Variants in ANKFN1 observed in about 807,000 individuals in gnomAD.
The protein encoded by ANKFN1 is ankyrin repeat and fibronectin type III domain containing 1, also known as ankyrin repeat and fibronectin type-III domain-containing protein 1.
Under a neutral mutation model 108.7 loss-of-function variants are expected in ANKFN1, and 74 were observed. The observed-to-expected ratio is 0.68, with a 90% CI of 0.56 to 0.83. ANKFN1 has a LOEUF of 0.83. Among genes scored for constraint, ANKFN1 ranks in the 40% least tolerant of loss-of-function variants. The probability of loss-of-function intolerance (pLI) is 0.00; values close to 1 mark genes in which losing one functional copy is unlikely to be tolerated. For missense variants in ANKFN1, 1,505 were observed against 1,382.3 expected (o/e 1.09, Z -1.41); for synonymous variants, 547 against 516.2 (o/e 1.06, Z -0.81).
intron 4 of ANKFN1, among the ~76,000 whole-genome samples, chr17:56,147,121 A>G (rs1180498483): frequency 6.6e-6 from 1 of 152,098 alleles, no homozygotes; most frequent in African/African-American, 2.4e-5. Flanking sequence ...CCTCATCTCC[A>G]TCTGAGACCA....
intron 10 of ANKFN1, among the ~76,000 whole-genome samples, chr17:56,445,850 G>A (rs981322306): frequency 1.2e-4 from 18 of 152,080 alleles, no homozygotes; most frequent in Admixed American, 3.9e-4. Flanking sequence ...TCCCGATATC[G>A]CCAGTGAATG....
At chr17:56,215,412 G>T (rs1410198152) in intron 2 of ANKFN1, among the ~76,000 whole-genome samples, 3 of 152,178 alleles carry the variant, frequency 2.0e-5, no homozygotes, top group Middle Eastern at 3.2e-3. Context: ...TACCAATAAG[G>T]TGAGCAGACA....
chr17:56,360,883 A>C (rs2046498817), intron 6 of ANKFN1, among the ~76,000 whole-genome samples: 1 of 152,154 alleles, frequency 6.6e-6, no homozygotes, highest in Non-Finnish European at 1.5e-5. Context: ...AGATTATCAT[A>C]ATCAAACTAA....
At chr17:56,430,539 A>C (rs1303805246) in intron 8 of ANKFN1, among the ~76,000 whole-genome samples, 2 of 106,116 alleles carry the variant, frequency 1.9e-5, no homozygotes, top group Non-Finnish European at 4.5e-5. Flanking sequence ...CACACACACA[A>C]AGGTAACTAT....
intron 4 of ANKFN1, among the ~76,000 whole-genome samples, chr17:56,077,408 C>T (rs1406836150): frequency 6.6e-6 from 1 of 152,176 alleles, no homozygotes; most frequent in Non-Finnish European, 1.5e-5. Context: ...TCAGCTGCAA[C>T]CTATGGACCC....
chr17:56,372,312 A>G (rs1354566964), intron 6 of ANKFN1, among the ~76,000 whole-genome samples: 2 of 152,164 alleles, frequency 1.3e-5, no homozygotes, highest in South Asian at 2.1e-4. Flanking sequence ...CATGGCAACA[A>G]ATGTGTACTC....
chr17:56,254,108 T>C (rs2043299576), intron 3 of ANKFN1: 1 of 152,108 alleles, frequency 6.6e-6, no homozygotes, highest in Non-Finnish European at 1.5e-5. Flanking sequence ...AAATTAATGT[T>C]TTACCAGAAC....
Position 56,372,804 on chromosome 17 carries a change from C to T in ANKFN1, c.760C>T (p.Leu254Phe). 2 of 1,613,940 alleles carry T rather than the reference C, an allele frequency of 1.2e-6. No homozygotes were observed. The highest frequency in any genetic ancestry group is 1.7e-6 in the Non-Finnish European group (2 of 1,179,960). ...GAAAGCTTGGGAGTGGAGGTATCGG[C>T]TCTACAGACGCATGAAAACAGGCTT... The part of the protein sequence containing the change: ...QLKAWEWRYR[L>F]YRRMKTGFEH... The change falls in exon 7 of 21, where the codon CTC becomes TTC. Residue 254 changes from leucine (L) to phenylalanine (F), a missense_variant. Coordinates refer to ENST00000682825, the MANE Select transcript of ANKFN1 (RefSeq NM_001370326.1).
chr17:56,459,810 C>T (rs2049840930), intron 14 of ANKFN1, among the ~76,000 whole-genome samples: 1 of 152,060 alleles, frequency 6.6e-6, no homozygotes. Context: ...CCAGTGTGAC[C>T]CTACTCAACT....
intron 4 of ANKFN1, among the ~76,000 whole-genome samples, chr17:56,059,230 CT>C (rs1904931442): frequency 6.6e-6 from 1 of 152,074 alleles, no homozygotes; most frequent in Non-Finnish European, 1.5e-5. Context: ...ATGTAAATGT[CT>C]TCTTTGAGAA....
At chr17:56,490,503 G>A (rs1673829986) in intron 18 of ANKFN1, among the ~76,000 whole-genome samples, 1 of 152,122 alleles carries the variant, frequency 6.6e-6, no homozygotes, top group Admixed American at 6.5e-5. Context: ...ATGAGGGAAG[G>A]TATGACTGAA....
Position 56,423,307 on chromosome 17 carries a change from G to A in ANKFN1, c.911-17020G>A, listed in dbSNP as rs549727404. Among the ~76,000 whole-genome samples, 71 of 152,270 alleles carry A rather than the reference G, an allele frequency of 4.7e-4. 2 individuals carry two copies. The highest frequency in any genetic ancestry group is 1.3e-4 in the Non-Finnish European group (9 of 68,014). ...GTCAGAGGTTGTATAGCTAAGTTGT[G>A]GCAATTCCTACTCCTACTAGCTAGC... is the stretch of plus-strand genomic sequence containing the variant. On this transcript the variant is annotated intron_variant, in intron 8 of 20. Transcript: ENST00000682825.
intron 2 of ANKFN1, among the ~76,000 whole-genome samples, chr17:56,212,969 A>G (rs1204722133): frequency 1.3e-5 from 2 of 152,214 alleles, no homozygotes; most frequent in Admixed American, 6.5e-5. Flanking sequence ...GCTGTTCACA[A>G]TAGCTGTACC....
intron 8 of ANKFN1, among the ~76,000 whole-genome samples, chr17:56,412,031 T>C (rs2192220): frequency 0.021 from 3,209 of 152,332 alleles, 113 homozygotes; most frequent in African/African-American, 0.071. Context: ...CTCTCCTCTT[T>C]GATTTTTTGG....
chr17:56,416,593 G>T (rs1005594234), intron 8 of ANKFN1, among the ~76,000 whole-genome samples: 2 of 152,110 alleles, frequency 1.3e-5, no homozygotes, highest in Non-Finnish European at 2.9e-5. Flanking sequence ...GGAAATCCTC[G>T]TACGCTGTTG....
At chr17:56,140,014 C>T (rs1462011097) in intron 4 of ANKFN1, among the ~76,000 whole-genome samples, 1 of 152,232 alleles carries the variant, frequency 6.6e-6, no homozygotes, top group Non-Finnish European at 1.5e-5. Context: ...TCTATAAACT[C>T]AAATTTGACC....
At chr17:56,357,662 A>G (rs2046409764) in intron 6 of ANKFN1, among the ~76,000 whole-genome samples, 1 of 152,174 alleles carries the variant, frequency 6.6e-6, no homozygotes, top group African/African-American at 2.4e-5. Flanking sequence ...TCAAGTACAA[A>G]AGAAGCAGAA....
intron 4 of ANKFN1, among the ~76,000 whole-genome samples, chr17:56,345,472 T>G (rs569275170): frequency 5.3e-4 from 81 of 152,168 alleles, no homozygotes; most frequent in African/African-American, 1.8e-3. Context: ...CACCACACTG[T>G]CTTTCACAAC....
intron 1 of ANKFN1, among the ~76,000 whole-genome samples, chr17:56,160,831 A>G (rs1024253439): frequency 6.6e-6 from 1 of 152,200 alleles, no homozygotes; most frequent in Admixed American, 6.5e-5. Context: ...ATAAAACAGT[A>G]ATGATACCTT....
Sources: gnomAD v4.1 joint callset for allele counts (sites outside exome capture counted in the v4.1 genomes callset) on GRCh38, gnomAD v4.1.1 for gene constraint, MANE v1.5 for transcripts, NCBI Gene and HGNC (gene_info 2026-07-23, HGNC 2026-07-21) for gene names.